RNLS: variants seen among roughly 807,000 people sequenced by gnomAD.
RNLS encodes renalase.
RNLS carries 39 observed loss-of-function variants against 39.8 expected under a neutral mutation model. The ratio of observed to expected loss-of-function variants is 0.98; its 90% CI spans 0.76 to 1.28. The LOEUF (loss-of-function observed/expected upper bound fraction) is 1.28, where lower values mean the gene tolerates loss of function less well. Ranked by LOEUF, RNLS falls within the 50% of genes most tolerant of loss-of-function variation. The pLI, the probability that RNLS is intolerant of heterozygous loss-of-function variation, is 0.00. For synonymous variants in RNLS, 147 were observed against 150.7 expected (o/e 0.98, Z 0.18); for missense variants, 410 against 413.3 (o/e 0.99, Z 0.07).
chr10:88,261,948 A>G, the RNLS span, among the ~76,000 whole-genome samples: 11 of 152,192 alleles, frequency 7.2e-5, no homozygotes, highest in African/African-American at 2.4e-4. Flanking sequence ...TCACATGGGA[A>G]GCTTCACTGG....
At chr10:88,378,046 A>T in intron 4 of RNLS, among the ~76,000 whole-genome samples, 1 of 152,052 alleles carries the variant, frequency 6.6e-6, no homozygotes, top group Admixed American at 6.6e-5. Context: ...AGGTATACAC[A>T]GGGTCAGGGT....
At chr10:88,426,261 T>C (rs1854748054) in intron 4 of RNLS, among the ~76,000 whole-genome samples, 1 of 152,062 alleles carries the variant, frequency 6.6e-6, no homozygotes, top group South Asian at 2.1e-4. Context: ...GGGGCACATT[T>C]GGCAGTTCAC....
chr10:88,525,404 T>C (rs973545774), intron 4 of RNLS, among the ~76,000 whole-genome samples: 11 of 152,108 alleles, frequency 7.2e-5, no homozygotes, highest in Admixed American at 7.2e-4. Flanking sequence ...GGCCATTCAA[T>C]GCTAAGGGAA....
At chr10:88,334,591 T>C (rs1847350043) in intron 5 of RNLS, among the ~76,000 whole-genome samples, 1 of 152,138 alleles carries the variant, frequency 6.6e-6, no homozygotes, top group Non-Finnish European at 1.5e-5. Flanking sequence ...ACAATGTAGA[T>C]GGGAGGAAAG....
intron 4 of RNLS, among the ~76,000 whole-genome samples, chr10:88,526,003 G>A (rs971695005): frequency 1.3e-5 from 2 of 152,006 alleles, no homozygotes; most frequent in African/African-American, 4.8e-5. Context: ...GGGATGAGGT[G>A]AAGTCCAAGT....
intron 4 of RNLS, among the ~76,000 whole-genome samples, chr10:88,554,276 A>G (rs1379221837): frequency 6.6e-6 from 1 of 152,184 alleles, no homozygotes; most frequent in Non-Finnish European, 1.5e-5. Context: ...AAACATATAA[A>G]TAGTAAATGG....
At chr10:88,442,371 T>C (rs1337924568) in intron 4 of RNLS, among the ~76,000 whole-genome samples, 1 of 152,186 alleles carries the variant, frequency 6.6e-6, no homozygotes, top group African/African-American at 2.4e-5. Context: ...TGATTGGTCA[T>C]TCAGCTGATT....
chr10:88,270,766 C>T (rs1564652868), downstream of RNLS, among the ~76,000 whole-genome samples: 1 of 152,070 alleles, frequency 6.6e-6, no homozygotes, highest in Admixed American at 6.6e-5. Context: ...AATAGTTCAC[C>T]ACCGGACAAG....
chr10:88,558,912 C>T (rs772805609), intron 4 of RNLS, among the ~76,000 whole-genome samples: 8 of 152,162 alleles, frequency 5.3e-5, no homozygotes, highest in East Asian at 3.9e-4. Context: ...CAGACCAGCT[C>T]GTGTCAGAAG....
chr10:88,304,709 A>G (rs980250525), intron 6 of RNLS, among the ~76,000 whole-genome samples: 2 of 152,240 alleles, frequency 1.3e-5, no homozygotes, highest in Non-Finnish European at 2.9e-5. Flanking sequence ...GACCAAATCT[A>G]TAAATCATTG....
At chr10:88,566,617 C>T (rs1490564697) in intron 4 of RNLS, among the ~76,000 whole-genome samples, 6 of 152,012 alleles carry the variant, frequency 3.9e-5, no homozygotes, top group African/African-American at 9.7e-5. Flanking sequence ...AACAATACCT[C>T]AAGGAAGGGG....
the RNLS span, among the ~76,000 whole-genome samples, chr10:88,261,349 TG>T: frequency 6.6e-6 from 1 of 152,208 alleles, no homozygotes; most frequent in Admixed American, 6.5e-5. Context: ...GGCTTAGTTA[TG>T]CTGCAGTAAC....
the RNLS span, among the ~76,000 whole-genome samples, chr10:88,249,330 C>T: frequency 5.3e-5 from 8 of 152,232 alleles, no homozygotes; most frequent in South Asian, 6.2e-4. Flanking sequence ...CATTACCTGC[C>T]GTTGCTAATC....
chr10:88,562,148 GTT>G (rs754441961), intron 4 of RNLS, among the ~76,000 whole-genome samples: 24 of 152,068 alleles, frequency 1.6e-4, no homozygotes, highest in Non-Finnish European at 3.4e-4. Context: ...TAACATACAG[GTT>G]TTTTGAGCCA....
At chr10:88,377,231 CACACACATAT>C (rs763354237) in intron 4 of RNLS, among the ~76,000 whole-genome samples, 34,158 of 107,728 alleles carry the variant, frequency 0.32, 4,344 homozygotes, top group Non-Finnish European at 0.37. Context: ...TCTCCACATA[CACACACATAT>C]ACACACACAC....
chr10:88,433,295 G>C (rs1032323872), intron 4 of RNLS, among the ~76,000 whole-genome samples: 8 of 151,968 alleles, frequency 5.3e-5, no homozygotes, highest in African/African-American at 1.9e-4. Flanking sequence ...GTAGTCCAGA[G>C]TTGTTCTTCT....
At chr10:88,569,766 T>A (rs972526922) in intron 4 of RNLS, among the ~76,000 whole-genome samples, 3 of 152,152 alleles carry the variant, frequency 2.0e-5, no homozygotes, top group Non-Finnish European at 4.4e-5. Context: ...GCTAGCCAGA[T>A]GAACAAGATT....
Position 88,548,038 on chromosome 10 carries a change from G to A in RNLS, c.526+24865C>T, listed in dbSNP as rs371679291. On this transcript the variant is annotated intron_variant, in intron 4 of 6. Coordinates refer to ENST00000331772, the MANE Select transcript of RNLS (RefSeq NM_001031709.3). ...GCACTTTGGGAGGCTGAGGCGGGGA[G>A]GGTGCCTGAGCTCAGGAGTTCGCAA... Among the ~76,000 whole-genome samples, 3 of 151,560 alleles carry A rather than the reference G, an allele frequency of 2.0e-5. No individual in the cohort carries two copies. In the South Asian group the frequency reaches 6.2e-4, roughly 32 times the overall value.
intron 4 of RNLS, among the ~76,000 whole-genome samples, chr10:88,557,460 T>C (rs1848934375): frequency 6.6e-6 from 1 of 152,174 alleles, no homozygotes; most frequent in African/African-American, 2.4e-5. Flanking sequence ...TTCAGAAGAA[T>C]GACGGTCAGA....
Sources: gnomAD v4.1 joint callset for allele counts (sites outside exome capture counted in the v4.1 genomes callset) on GRCh38, gnomAD v4.1.1 for gene constraint, MANE v1.5 for transcripts, NCBI Gene and HGNC (gene_info 2026-07-23, HGNC 2026-07-21) for gene names.